The following FAM184B variants were observed in gnomAD, a reference collection of about 807,000 sequenced individuals.
FAM184B encodes the protein family with sequence similarity 184 member B.
Under a neutral mutation model 135.9 loss-of-function variants are expected in FAM184B, and 111 were observed. The observed-to-expected ratio is 0.82, with a 90% CI of 0.70 to 0.96. The LOEUF (loss-of-function observed/expected upper bound fraction) is 0.96, where lower values mean the gene tolerates loss of function less well. FAM184B is among the 40% of genes least tolerant of loss of function. The pLI, the probability that FAM184B is intolerant of heterozygous loss-of-function variation, is 0.00. For synonymous variants in FAM184B, 552 were observed against 524.8 expected (o/e 1.05, Z -0.71); for missense variants, 1,375 against 1,323.9 (o/e 1.04, Z -0.60).
intron 13 of FAM184B, among the ~76,000 whole-genome samples, chr4:17,640,594 C>T (rs1162738691): frequency 6.6e-6 from 1 of 151,578 alleles, no homozygotes; most frequent in Non-Finnish European, 1.5e-5. Flanking sequence ...AAAAAGGAAT[C>T]CTCCAGACAT....
At chr4:17,765,380 A>C (rs1718642449) in intron 1 of FAM184B, among the ~76,000 whole-genome samples, 1 of 152,148 alleles carries the variant, frequency 6.6e-6, no homozygotes, top group Admixed American at 6.5e-5. Context: ...GAATCAAACG[A>C]GGGGCCACTA....
intron 7 of FAM184B, among the ~76,000 whole-genome samples, chr4:17,671,596 A>G (rs1400244943): frequency 1.3e-5 from 2 of 152,134 alleles, no homozygotes; most frequent in Admixed American, 1.3e-4. Flanking sequence ...GGACACCAAC[A>G]CAGAGAGTCA....
chr4:17,652,941 G>T lies in FAM184B; in HGVS notation c.2080C>A (p.Gln694Lys). ...AGTCGGTGTGTCTGGTGTTGGATCT[G>T]GAGGCTGTGGCTGGATTCCTTCTTC... Reference protein sequence around the residue: ...RLKKESSHSLQIQHQTHRLEL... With the variant: ...RLKKESSHSLKIQHQTHRLEL... The change falls in exon 11 of 18, where the codon CAG becomes AAG. Residue 694 changes from glutamine (Q) to lysine (K), a missense_variant. Transcript: ENST00000265018. 1 of 1,551,708 alleles carries T rather than the reference G, an allele frequency of 6.4e-7. No individual in the cohort carries two copies. The highest frequency in any genetic ancestry group is 8.7e-7 in the Non-Finnish European group (1 of 1,146,980).
At chr4:17,766,764 G>C (rs535108810) in intron 1 of FAM184B, among the ~76,000 whole-genome samples, 7 of 152,246 alleles carry the variant, frequency 4.6e-5, no homozygotes, top group Non-Finnish European at 1.0e-4. Flanking sequence ...ATCCCGCACC[G>C]GGGCAGCAGG....
chr4:17,641,995 G>C lies in FAM184B; in HGVS notation c.2519+61C>G, dbSNP rs1020229198. Reference sequence around the variant, plus strand: ...GGCTCAGCCAGCCGCAGTAGGGGGAGGGGGGGTGGCGGGGTAGGGGGTGAG... The same window carrying C: ...GGCTCAGCCAGCCGCAGTAGGGGGACGGGGGGTGGCGGGGTAGGGGGTGAG... On this transcript the variant is annotated intron_variant, in intron 13 of 17. Coordinates refer to ENST00000265018, the MANE Select transcript of FAM184B (RefSeq NM_015688.2). The C allele has an allele frequency of 1.6e-5, 24 of 1,472,542 alleles. No individual in the cohort carries two copies. The African/African-American group carries it at 3.5e-4, about 22-fold the overall frequency. The allele number at this position is 1,472,542 out of a possible 1,614,324, so 91.2% of individuals were successfully genotyped here. A position where few individuals can be genotyped will look rare whatever the true frequency, so the allele number is the denominator to read the frequency against.
chr4:17,692,616 T>G (rs2108958359), intron 6 of FAM184B, among the ~76,000 whole-genome samples: 1 of 152,302 alleles, frequency 6.6e-6, no homozygotes, highest in East Asian at 1.9e-4. Context: ...TTTGTGTTCT[T>G]AAAAATTCCC....
chr4:17,722,058 CAGG>C (rs1165423397), intron 1 of FAM184B, among the ~76,000 whole-genome samples: 1 of 152,086 alleles, frequency 6.6e-6, no homozygotes, highest in Non-Finnish European at 1.5e-5. Context: ...GAGAGCTGTC[CAGG>C]AGGAGGAGTG....
At chr4:17,648,863 T>C (rs1715536188) in intron 11 of FAM184B, among the ~76,000 whole-genome samples, 1 of 152,172 alleles carries the variant, frequency 6.6e-6, no homozygotes, top group African/African-American at 2.4e-5. Context: ...CCTCTGAGGA[T>C]GGAGACTGAT....
At chr4:17,726,178 C>T (rs1050809247) in intron 1 of FAM184B, among the ~76,000 whole-genome samples, 16 of 152,032 alleles carry the variant, frequency 1.1e-4, no homozygotes, top group African/African-American at 2.9e-4. Flanking sequence ...CCTGCCTCAG[C>T]GTCCCAAAGT....
At chr4:17,665,917 TTA>T (rs1190396928) in intron 7 of FAM184B, among the ~76,000 whole-genome samples, 1 of 148,904 alleles carries the variant, frequency 6.7e-6, no homozygotes, top group African/African-American at 2.5e-5. Context: ...TTGCTGCTTC[TTA>T]GTCTTCTCTG....
intron 7 of FAM184B, among the ~76,000 whole-genome samples, chr4:17,681,530 A>G (rs904099359): frequency 6.6e-5 from 10 of 152,188 alleles, no homozygotes; most frequent in East Asian, 1.9e-4. Context: ...CTGGCTCCCA[A>G]TTGGCCTGAG....
In FAM184B at chr4:17,658,361, G is replaced by C; in HGVS notation, c.2026C>G (p.Gln676Glu). The C allele has an allele frequency of 6.4e-7, 1 of 1,551,614 alleles. No homozygotes were observed. The highest frequency in any genetic ancestry group is 8.7e-7 in the Non-Finnish European group (1 of 1,146,964). ...ALRMLEKARHQELKATEERLK... is the reference protein window; with the variant it reads ...ALRMLEKARHEELKATEERLK... ...AGTCATTCCCTCACCTTGAGTTCCT[G>C]ATGTCTGGCCTTCTCCAGCATGCGC... Residue 676 changes from glutamine to glutamate, a missense_variant, in exon 10 of 18, where the codon CAG becomes GAG. Transcript: ENST00000265018.
chr4:17,748,113 A>G (rs1236170531), intron 1 of FAM184B, among the ~76,000 whole-genome samples: 2 of 150,010 alleles, frequency 1.3e-5, no homozygotes, highest in Non-Finnish European at 3.0e-5. Flanking sequence ...GAAAAAAAAA[A>G]AAAAAAAAAA....
At chr4:17,644,608 G>C (rs1346074031) in intron 12 of FAM184B, among the ~76,000 whole-genome samples, 1 of 152,144 alleles carries the variant, frequency 6.6e-6, no homozygotes, top group African/African-American at 2.4e-5. Context: ...AGCTATTTAT[G>C]ACAAACCCAC....
intron 7 of FAM184B, among the ~76,000 whole-genome samples, chr4:17,686,678 A>G (rs961035800): frequency 6.6e-6 from 1 of 152,264 alleles, no homozygotes; most frequent in South Asian, 2.1e-4. Context: ...ATGCTGGCTC[A>G]TGCCTGTAAT....
intron 1 of FAM184B, among the ~76,000 whole-genome samples, chr4:17,765,699 A>G (rs1718657478): frequency 6.6e-6 from 1 of 152,210 alleles, no homozygotes; most frequent in Non-Finnish European, 1.5e-5. Flanking sequence ...GTAATTTAAC[A>G]CTGTGGTAAT....
intron 1 of FAM184B, among the ~76,000 whole-genome samples, chr4:17,718,849 C>G (rs1226150781): frequency 6.6e-6 from 1 of 152,252 alleles, no homozygotes; most frequent in Non-Finnish European, 1.5e-5. Context: ...AAATAACTCA[C>G]TGCTGTAGCC....
chr4:17,639,337 T>C lies in FAM184B; in HGVS notation c.2579A>G (p.Glu860Gly). 1 of 1,551,790 alleles carries C rather than the reference T, an allele frequency of 6.4e-7. No homozygotes were observed. Among genetic ancestry groups the C allele is most frequent in the Non-Finnish European group, 8.7e-7 (1 of 1,147,018 alleles). The change falls in exon 14 of 18, where the codon GAA becomes GGA. Residue 860 changes from glutamate (E) to glycine (G), a missense_variant. Glu to Gly is a moderately conservative substitution (Grantham distance 98). Coordinates refer to ENST00000265018, the MANE Select transcript of FAM184B (RefSeq NM_015688.2). Reference protein sequence around the residue: ...RAREVETLRQEHRKEMQAMVA... With the variant: ...RAREVETLRQGHRKEMQAMVA... ...CATGGCCTGCATCTCCTTCCGGTGT[T>C]CCTGGCGCAGTGTCTCCACCTCCCT...
In FAM184B at chr4:17,642,078, GCGCCTC is replaced by G; in HGVS notation, c.2491_2496del (p.Glu831_Ala832del). 3.9e-6 allele frequency: 6 copies of G among 1,531,718 alleles called. No individual in the cohort carries two copies. The highest frequency in any genetic ancestry group is 5.2e-6 in the Non-Finnish European group (6 of 1,145,036). The allele number at this position is 1,531,718 out of a possible 1,614,324, so 94.9% of individuals were successfully genotyped here. On this transcript the variant is annotated inframe_deletion, in exon 13 of 18. Transcript: ENST00000265018. ...CACCTGCGCTGGTCTCGGAGCTTCT[GCGCCTC>G]CTGCTGATGCTGCTCCACCTCCGCG...
Sources: allele counts gnomAD v4.1 joint callset (sites outside exome capture counted in the v4.1 genomes callset), GRCh38; gene constraint gnomAD v4.1.1; transcripts MANE v1.5; gene names NCBI Gene and HGNC (gene_info 2026-07-23, HGNC 2026-07-21).